Variants in CNTN3 observed in about 807,000 individuals in gnomAD.
The protein encoded by CNTN3 is contactin-3.
A neutral mutation model predicts 119.1 loss-of-function variants in CNTN3; 60 were observed. That is an observed-to-expected ratio of 0.50 (90% confidence interval 0.41 to 0.62). The LOEUF is 0.62. Ranked by LOEUF, CNTN3 falls within the 20% of genes least tolerant of loss-of-function variation. The probability of loss-of-function intolerance (pLI) is 0.00; values close to 1 mark genes in which losing one functional copy is unlikely to be tolerated. For synonymous variants in CNTN3, 450 were observed against 438.7 expected (o/e 1.03, Z -0.32); for missense variants, 1,101 against 1,242.4 (o/e 0.89, Z 1.71).
intron 1 of CNTN3, among the ~76,000 whole-genome samples, chr3:74,611,753 G>A (rs1177091294): frequency 3.3e-5 from 5 of 152,140 alleles, no homozygotes; most frequent in Non-Finnish European, 7.4e-5. Flanking sequence ...ATATGCATAT[G>A]CATGTGTGCA....
At chr3:74,488,993 G>C (rs1702911489) in intron 3 of CNTN3, among the ~76,000 whole-genome samples, 1 of 152,084 alleles carries the variant, frequency 6.6e-6, no homozygotes, top group Admixed American at 6.6e-5. Flanking sequence ...CTTAAGGTTT[G>C]AATTTGAACT....
At chr3:74,271,247 C>T (rs184431530) in intron 20 of CNTN3, among the ~76,000 whole-genome samples, 1 of 152,008 alleles carries the variant, frequency 6.6e-6, no homozygotes. Context: ...GAATATCATC[C>T]ACGGGCAGTT....
chr3:74,595,077 T>A (rs954326896), intron 1 of CNTN3, among the ~76,000 whole-genome samples: 1 of 152,068 alleles, frequency 6.6e-6, no homozygotes, highest in African/African-American at 2.4e-5. Context: ...ATGTGTCTTT[T>A]GGCTGCATAA....
At chr3:74,474,644 C>T (rs577426189) in intron 4 of CNTN3, among the ~76,000 whole-genome samples, 1 of 152,196 alleles carries the variant, frequency 6.6e-6, no homozygotes, top group East Asian at 1.9e-4. Flanking sequence ...CCAGCATAAG[C>T]CACCGTGCCC....
intron 4 of CNTN3, among the ~76,000 whole-genome samples, chr3:74,452,833 T>C (rs1452235869): frequency 7.9e-5 from 12 of 152,024 alleles, no homozygotes; most frequent in Admixed American, 7.2e-4. Context: ...GATTTGCGTA[T>C]ACTGAACCAG....
In CNTN3 at chr3:74,499,785, C is replaced by T. The variant is rs1166947037; in HGVS notation, c.56G>A (p.Gly19Asp). 7 of 1,598,054 alleles carry T rather than the reference C, an allele frequency of 4.4e-6. No individual in the cohort carries two copies. Among genetic ancestry groups the T allele is most frequent in the Non-Finnish European group, 5.1e-6 (6 of 1,174,522 alleles). ...ILLSFIGCLG[G>D]ELLLQGPVFI... Reference sequence around the variant, plus strand: ...TACAGGGCCTTGTAAGAGAAGCTCACCTATATGGGTGGGAGACATCCAAAA... The same window carrying T: ...TACAGGGCCTTGTAAGAGAAGCTCATCTATATGGGTGGGAGACATCCAAAA... Residue 19 changes from glycine (G) to aspartate (D), a missense_variant and splice_region_variant, in exon 3 of 23, where the codon GGT becomes GAT. By Grantham distance (94) the Gly-to-Asp change is moderately conservative (BLOSUM62 -1). Coordinates refer to ENST00000263665, the MANE Select transcript of CNTN3 (RefSeq NM_020872.3).
At chr3:74,583,550 C>A in intron 1 of CNTN3, among the ~76,000 whole-genome samples, 1 of 152,102 alleles carries the variant, frequency 6.6e-6, no homozygotes, top group East Asian at 1.9e-4. Flanking sequence ...GTGGCTGACT[C>A]GGAGGACGTG....
chr3:74,394,659 T>G (rs1186396322), intron 5 of CNTN3, among the ~76,000 whole-genome samples: 2 of 152,212 alleles, frequency 1.3e-5, no homozygotes, highest in Non-Finnish European at 2.9e-5. Context: ...AAATGAAAGT[T>G]AATCTCTCTG....
At chr3:74,521,976 G>T (rs886084020) in intron 1 of CNTN3, among the ~76,000 whole-genome samples, 4 of 151,696 alleles carry the variant, frequency 2.6e-5, no homozygotes, top group African/African-American at 9.7e-5. Flanking sequence ...TTTAAAGTTT[G>T]CTACTTTAGT....
At chr3:74,297,519 A>C (rs1702365281) in intron 18 of CNTN3, among the ~76,000 whole-genome samples, 1 of 152,172 alleles carries the variant, frequency 6.6e-6, no homozygotes, top group East Asian at 1.9e-4. Flanking sequence ...TTGCAAGGGA[A>C]AAGGAGCAGA....
chr3:74,279,622 A>G (rs111796526), intron 20 of CNTN3, among the ~76,000 whole-genome samples: 1 of 143,496 alleles, frequency 7.0e-6, no homozygotes, highest in African/African-American at 2.5e-5. Flanking sequence ...GATACAATGG[A>G]CTTTCGGGAC....
intron 2 of CNTN3, among the ~76,000 whole-genome samples, chr3:74,517,772 C>G (rs191286152): frequency 4.7e-4 from 71 of 151,926 alleles, no homozygotes; most frequent in African/African-American, 1.7e-3. Flanking sequence ...CAGCCTGCCC[C>G]TTTCATTTAA....
At chr3:74,364,442 G>A (rs762904908) in intron 10 of CNTN3, 25 bp downstream of exon 10, 4 of 1,598,916 alleles carry the variant, frequency 2.5e-6, no homozygotes, top group Non-Finnish European at 3.4e-6. Flanking sequence ...AAAATTAAGA[G>A]AAGAGCAGAG....
rs191997047 is a variant in CNTN3, at chr3:74,399,257, A to G, written c.454+25588T>C. ...TCATCACCCAGGTATTAAGCCTAGT[A>G]CCCATTAGTTATTTTTCCTGATCCT... On this transcript the variant is annotated intron_variant, in intron 5 of 22. Coordinates refer to ENST00000263665, the MANE Select transcript of CNTN3 (RefSeq NM_020872.3). 2.2e-4 allele frequency among the ~76,000 whole-genome samples: 33 copies of G among 152,076 alleles called. 1 individual carries two copies. The highest frequency in any genetic ancestry group is 7.2e-4 in the African/African-American group (30 of 41,488).
chr3:74,602,848 T>C (rs1326277016), intron 1 of CNTN3, among the ~76,000 whole-genome samples: 2 of 152,126 alleles, frequency 1.3e-5, no homozygotes, highest in African/African-American at 4.8e-5. Context: ...TACAATTGCA[T>C]GGTCTAGCTA....
intron 1 of CNTN3, among the ~76,000 whole-genome samples, chr3:74,594,273 C>CTTTTTTTTTTTTTTTTTTTTTTT (rs59436860): frequency 8.9e-6 from 1 of 112,068 alleles, no homozygotes; most frequent in African/African-American, 3.0e-5. Flanking sequence ...TTCTTTTTTT[C>CTTTTTTTTTTTTTTTTTTTTTTT]TTTTTTTTTT....
intron 20 of CNTN3, among the ~76,000 whole-genome samples, chr3:74,269,105 G>A (rs1701718666): frequency 6.6e-6 from 1 of 150,888 alleles, no homozygotes. Flanking sequence ...GTCTAACTTT[G>A]TTCTTTTTGA....
intron 4 of CNTN3, among the ~76,000 whole-genome samples, chr3:74,425,198 A>G (rs976335526): frequency 1.3e-5 from 2 of 152,076 alleles, no homozygotes; most frequent in Non-Finnish European, 2.9e-5. Flanking sequence ...TGAGTACAGA[A>G]CCCAACAGGT....
chr3:74,554,014 T>C (rs1272158517), intron 1 of CNTN3, among the ~76,000 whole-genome samples: 6 of 152,184 alleles, frequency 3.9e-5, no homozygotes, highest in Non-Finnish European at 7.3e-5. Context: ...CTGAATGGTA[T>C]TGCACAGATT....
Sources: allele counts gnomAD v4.1 joint callset (sites outside exome capture counted in the v4.1 genomes callset), GRCh38; gene constraint gnomAD v4.1.1; transcripts MANE v1.5; gene names NCBI Gene and HGNC (gene_info 2026-07-23, HGNC 2026-07-21).